The following COQ5 variants were observed in gnomAD, a reference collection of about 807,000 sequenced individuals.
The protein encoded by COQ5 is 2-methoxy-6-polyprenyl-1,4-benzoquinol methylase, mitochondrial.
In COQ5, 27 loss-of-function variants were observed where a neutral mutation model predicts 40.5. The ratio of observed to expected loss-of-function variants is 0.67; its 90% CI spans 0.49 to 0.92. The LOEUF is 0.92. COQ5 is among the 40% of genes least tolerant of loss of function. COQ5 has a pLI of 0.00. For synonymous variants in COQ5, 141 were observed against 150.0 expected (o/e 0.94, Z 0.44); for missense variants, 409 against 406.4 (o/e 1.01, Z -0.06).
intron 3 of COQ5, among the ~76,000 whole-genome samples, chr12:120,510,376 C>T (rs775743705): frequency 3.3e-5 from 5 of 152,078 alleles, no homozygotes; most frequent in African/African-American, 1.2e-4. Flanking sequence ...TACAGTGGCA[C>T]ACAGCTCACT....
chr12:120,513,232 AGT>A (rs933103588), intron 3 of COQ5, among the ~76,000 whole-genome samples: 6 of 145,246 alleles, frequency 4.1e-5, no homozygotes, highest in Non-Finnish European at 7.5e-5. Flanking sequence ...GGCCAGGTGC[AGT>A]GGCTCACACC....
Position 120,503,533 on chromosome 12 carries a change from G to A in COQ5, c.*251C>T, listed in dbSNP as rs1868728402. Reference sequence around the variant, plus strand: ...CCTTAACCACACACCCTACAGCCAAGAGAAATTAGCAGTTGAGCAAAGATA... The same window carrying A: ...CCTTAACCACACACCCTACAGCCAAAAGAAATTAGCAGTTGAGCAAAGATA... On this transcript the variant is annotated 3_prime_UTR_variant, in exon 7 of 7. Transcript: ENST00000288532. 1.6e-6 allele frequency: 1 copy of A among 615,660 alleles called. No homozygotes were observed. The highest frequency in any genetic ancestry group is 2.1e-5 in the Admixed American group (1 of 47,280). The allele number at this position is 615,660 out of a possible 1,614,324, so 38.1% of individuals were successfully genotyped here.
Position 120,526,698 on chromosome 12 carries a change from A to ATTTTTTTTTTTTTTTT in COQ5, c.202+2226_202+2241dup, listed in dbSNP as rs61584250. Among the ~76,000 whole-genome samples, 35 of 64,146 alleles carry ATTTTTTTTTTTTTTTT rather than the reference A, an allele frequency of 5.5e-4. 3 individuals carry two copies. Among genetic ancestry groups the ATTTTTTTTTTTTTTTT allele is most frequent in the African/African-American group, 1.9e-3 (23 of 12,188 alleles). 42.1% of individuals were successfully genotyped at this position (64,146 alleles called of 152,430 possible). On this transcript the variant is annotated intron_variant, in intron 1 of 6. Transcript: ENST00000288532. Reference sequence around the variant, plus strand: ...AATAGTGCTCAAACTACTCTTGGCAATTTTTTTTTTTTTTTTTTTTTTTTT... The same window carrying ATTTTTTTTTTTTTTTT: ...AATAGTGCTCAAACTACTCTTGGCAATTTTTTTTTTTTTTTTTTTTTTTTTTTTTTTTTTTTTTTTT...
chr12:120,520,567 G>A (rs1277091532), intron 2 of COQ5, among the ~76,000 whole-genome samples: 3 of 151,644 alleles, frequency 2.0e-5, no homozygotes, highest in Admixed American at 2.0e-4. Flanking sequence ...CTCATGATCC[G>A]ACCGCCTCGG....
In COQ5 at chr12:120,503,860, T is replaced by C. The variant is rs1565927953; in HGVS notation, c.908A>G (p.Asp303Gly). ...SQEEFKDMIEDAGFHKVTYES... is the reference protein window; with the variant it reads ...SQEEFKDMIEGAGFHKVTYES... ...GTAAGTCACCTTGTGAAAGCCTGCA[T>C]CTTCTATCATGTCCTTGAACTCTTC... The change falls in exon 7 of 7, where the codon GAT becomes GGT. Residue 303 changes from aspartate (D) to glycine (G), a missense_variant. Coordinates refer to ENST00000288532, the MANE Select transcript of COQ5 (RefSeq NM_032314.4). 6.2e-7 allele frequency: 1 copy of C among 1,614,032 alleles called. No homozygotes were observed. The highest frequency in any genetic ancestry group is 8.5e-7 in the Non-Finnish European group (1 of 1,179,980).
chr12:120,510,100 C>T lies in COQ5; in HGVS notation c.598G>A (p.Ala200Thr). 1.2e-5 allele frequency: 20 copies of T among 1,613,874 alleles called. No homozygotes were observed. Among genetic ancestry groups the T allele is most frequent in the Non-Finnish European group, 1.3e-5 (15 of 1,179,856 alleles). Residue 200 changes from alanine to threonine, a missense_variant, in exon 4 of 7, where the codon GCT (alanine) becomes ACT (threonine). By Grantham distance (58) the Ala-to-Thr change is moderately conservative. Coordinates refer to ENST00000288532, the MANE Select transcript of COQ5 (RefSeq NM_032314.4). ...TCATCATCAAAGGGCAGTTCTTCAG[C>T]ATCTCCTAATACCCATGCAAGTCCT... ...RAGLAWVLGDAEELPFDDDKF... is the reference protein window; with the variant it reads ...RAGLAWVLGDTEELPFDDDKF...
Position 120,516,674 on chromosome 12 carries a change from T to C in COQ5, c.467A>G (p.Gln156Arg). 6.2e-7 allele frequency: 1 copy of C among 1,614,160 alleles called. No homozygotes were observed. Among genetic ancestry groups the C allele is most frequent in the South Asian group, 1.1e-5 (1 of 91,072 alleles). ...CCCGCCCAAGGAATCTTCTTCATTC[T>C]GGTACTCTTTGGCAATTTCTTCCCA... ...LSWEEIAKEY[Q>R]NEEDSLGGSR... The change falls in exon 3 of 7, where the codon CAG (glutamine) becomes CGG (arginine). Residue 156 changes from glutamine to arginine, a missense_variant. Transcript: ENST00000288532.
rs931099527 is a variant in COQ5 at position 120,510,242 on chromosome 12, C to T, written c.575-119G>A. 4.0e-6 allele frequency: 3 copies of T among 758,188 alleles called. No individual in the cohort carries two copies. The Admixed American group carries it at 5.8e-5, about 15-fold the overall frequency. The allele number at this position is 758,188 out of a possible 1,614,324, so 47.0% of individuals were successfully genotyped here. Reference sequence around the variant, plus strand: ...CCCAAGTCCTGGGTGGTTAGGCTGCCTGGATTCTAATCCCAGCTTCACCAT... The same window carrying T: ...CCCAAGTCCTGGGTGGTTAGGCTGCTTGGATTCTAATCCCAGCTTCACCAT... On this transcript the variant is annotated intron_variant, in intron 3 of 6. Transcript: ENST00000288532.
chr12:120,509,312 T>A (rs1869022523), intron 4 of COQ5, among the ~76,000 whole-genome samples: 1 of 152,056 alleles, frequency 6.6e-6, no homozygotes, highest in African/African-American at 2.4e-5. Flanking sequence ...AGCTCAGGGG[T>A]TCGAGATCAA....
At chr12:120,509,112 CA>C (rs1284641072) in intron 4 of COQ5, among the ~76,000 whole-genome samples, 1 of 151,974 alleles carries the variant, frequency 6.6e-6, no homozygotes, top group African/African-American at 2.4e-5. Context: ...TGATGAACAC[CA>C]TAAAGAACTT....
At chr12:120,511,572 G>A (rs1275055376) in intron 3 of COQ5, among the ~76,000 whole-genome samples, 1 of 151,842 alleles carries the variant, frequency 6.6e-6, no homozygotes, top group Admixed American at 6.6e-5. Context: ...GAGAGCTTGA[G>A]CCCAGGAGTT....
rs1373518089 is a variant in COQ5 at position 120,516,699 on chromosome 12, A to G, written c.442T>C (p.Trp148Arg). The G allele has an allele frequency of 6.2e-7, 1 of 1,614,182 alleles. No homozygotes were observed. The highest frequency in any genetic ancestry group is 1.1e-5 in the South Asian group (1 of 91,086). The change falls in exon 3 of 7, where the codon TGG (tryptophan) becomes CGG (arginine). Residue 148 changes from tryptophan to arginine, a missense_variant. Coordinates refer to ENST00000288532, the MANE Select transcript of COQ5 (RefSeq NM_032314.4). ...RQLRAQQNLS[W>R]EEIAKEYQNE... ...TGGTACTCTTTGGCAATTTCTTCCC[A>G]GGATAAATTTTGTTGGGCCCTTAAC...
At chr12:120,526,619 TA>T (rs764298066) in intron 1 of COQ5, 170 of 290,780 alleles carry the variant, frequency 5.8e-4, no homozygotes, top group Non-Finnish European at 9.4e-4. Flanking sequence ...TAGAAAGAAA[TA>T]TGGCAATTTG....
chr12:120,519,002 A>G (rs796958999), intron 2 of COQ5, among the ~76,000 whole-genome samples: 6 of 152,354 alleles, frequency 3.9e-5, no homozygotes, highest in African/African-American at 1.4e-4. Flanking sequence ...AAACAGGGAT[A>G]TTGTATACAT....
chr12:120,504,006 C>T lies in COQ5; in HGVS notation c.846G>A (p.Gln282=). 1 of 1,613,534 alleles carries T rather than the reference C, an allele frequency of 6.2e-7. No individual in the cohort carries two copies. Among genetic ancestry groups the T allele is most frequent in the Non-Finnish European group, 8.5e-7 (1 of 1,179,456 alleles). The change falls in exon 6 of 7, where the codon CAG becomes CAA. Residue 282 remains glutamine, a synonymous_variant. Transcript: ENST00000288532. ...EVIAGDWKSY[Q]YLVESIRRFP... ...ACCTTCGGATACTCTCTACAAGGTA[C>T]TGATAGGACTTCCAGTCTCCAGCGA...
Position 120,512,331 on chromosome 12 carries a change from G to A in COQ5, c.575-2208C>T, listed in dbSNP as rs553505878. 3.5e-3 allele frequency among the ~76,000 whole-genome samples: 528 copies of A among 152,298 alleles called. 2 individuals carry two copies. The highest frequency in any genetic ancestry group is 5.7e-3 in the Non-Finnish European group (386 of 68,034). On this transcript the variant is annotated intron_variant, in intron 3 of 6. Transcript: ENST00000288532. The stretch of plus-strand genomic sequence containing the variant: ...GATTACTAAATTGTAGGACGGGCGC[G>A]GTGGCTCATGCCTGTAACCCCAGCA...
intron 4 of COQ5, among the ~76,000 whole-genome samples, chr12:120,508,087 CT>C (rs1357880237): frequency 6.6e-6 from 1 of 151,040 alleles, no homozygotes; most frequent in Non-Finnish European, 1.5e-5. Flanking sequence ...CCTCCGCCTC[CT>C]GGGTTCAAGG....
intron 5 of COQ5, 29 bp from the exon 6 acceptor site, chr12:120,504,110 G>C: frequency 1.5e-6 from 2 of 1,327,982 alleles, no homozygotes; most frequent in Non-Finnish European, 2.2e-6. Flanking sequence ...AAAAGATGAA[G>C]ATTAGAACAT....
intron 1 of COQ5, among the ~76,000 whole-genome samples, chr12:120,527,982 C>T: frequency 2.3e-5 from 1 of 43,606 alleles, no homozygotes; most frequent in East Asian, 9.6e-4. Context: ...GAGAGAGACT[C>T]AGTCTCAAAA....
Sources: gnomAD v4.1 joint callset for allele counts (sites outside exome capture counted in the v4.1 genomes callset) on GRCh38, gnomAD v4.1.1 for gene constraint, MANE v1.5 for transcripts, NCBI Gene and HGNC (gene_info 2026-07-23, HGNC 2026-07-21) for gene names.